The following SURF4 variants were observed in gnomAD, a reference collection of about 807,000 sequenced individuals.
SURF4 encodes the protein surfeit locus protein 4.
In SURF4, 3 loss-of-function variants were observed where a neutral mutation model predicts 30.0. The ratio of observed to expected loss-of-function variants is 0.10; its 90% CI spans 0.05 to 0.26. The LOEUF is 0.26. SURF4 is among the 10% of genes least tolerant of loss of function. The pLI, the probability that SURF4 is intolerant of heterozygous loss-of-function variation, is 1.00. For missense variants in SURF4, 217 were observed against 350.8 expected (o/e 0.62, Z 3.05); for synonymous variants, 143 against 139.9 (o/e 1.02, Z -0.16).
chr9:133,372,976 C>T (rs1466156247), intron 1 of SURF4, among the ~76,000 whole-genome samples: 1 of 152,246 alleles, frequency 6.6e-6, no homozygotes, highest in South Asian at 2.1e-4. Flanking sequence ...CCTAGACGGA[C>T]TCTTAAGGAG....
At chr9:133,377,153 G>A (rs956343284), upstream of SURF4, among the ~76,000 whole-genome samples, 2 of 152,070 alleles carry the variant, frequency 1.3e-5, no homozygotes, top group Non-Finnish European at 1.5e-5. Flanking sequence ...ACTATAGGGC[G>A]TTGCCAGAGG....
chr9:133,364,822 G>C lies in SURF4; in HGVS notation c.543+18C>G, dbSNP rs2130109825. 2 of 1,613,780 alleles carry C rather than the reference G, an allele frequency of 1.2e-6. No homozygotes were observed. The highest frequency in any genetic ancestry group is 1.1e-5 in the South Asian group (1 of 91,062). ...TTCACAGGAAACCAGACCGGTTCAGGCAAGTAGGAATACTTACAGAAAAGA... is the reference window on the plus strand; with the variant it reads ...TTCACAGGAAACCAGACCGGTTCAGCCAAGTAGGAATACTTACAGAAAAGA... On this transcript the variant is annotated intron_variant, in intron 5 of 5. Coordinates refer to ENST00000371989, the MANE Select transcript of SURF4 (RefSeq NM_033161.4).
intron 1 of SURF4, chr9:133,372,743 T>C (rs1414621265): frequency 5.1e-6 from 3 of 589,118 alleles, no homozygotes; most frequent in Admixed American, 6.3e-5. Flanking sequence ...GTCATTTTCA[T>C]GTAAAAGCCT....
upstream of SURF4, chr9:133,376,676 T>C: frequency 1.1e-6 from 1 of 887,712 alleles, no homozygotes; most frequent in African/African-American, 1.8e-5. Flanking sequence ...CTGGCCAGTG[T>C]CGGCCTGCAG....
Position 133,362,021 on chromosome 9 carries a change from T to C in SURF4, c.*1472A>G, listed in dbSNP as rs1477847621. The C allele has an allele frequency of 2.0e-5, 3 of 152,206 alleles. No homozygotes were observed. The highest frequency in any genetic ancestry group is 6.5e-5 in the Admixed American group (1 of 15,282). 9.4% of individuals were successfully genotyped at this position (152,206 alleles called of 1,614,324 possible). A position where few individuals can be genotyped will look rare whatever the true frequency, so the allele number is the denominator to read the frequency against. On this transcript the variant is annotated 3_prime_UTR_variant, in exon 6 of 6. Coordinates refer to ENST00000371989, the MANE Select transcript of SURF4 (RefSeq NM_033161.4). ...TTACCAATATTCGGGGGTAAGGAAG[T>C]AGGCTACCAGGGGAATATTTGCAAA... is the stretch of plus-strand genomic sequence containing the variant.
chr9:133,375,579 C>T (rs2130238720), intron 1 of SURF4, among the ~76,000 whole-genome samples: 1 of 152,182 alleles, frequency 6.6e-6, no homozygotes, highest in African/African-American at 2.4e-5. Flanking sequence ...GCGCTCCCCG[C>T]GAGCCTCAGA....
intron 1 of SURF4, 103 bp from the exon 2 acceptor site, chr9:133,367,548 G>A: frequency 1.9e-6 from 3 of 1,573,646 alleles, no homozygotes; most frequent in Non-Finnish European, 2.6e-6. Context: ...CAGACGCTGT[G>A]GAAGGCAAGA....
In SURF4 at chr9:133,363,787, A is replaced by G. The variant is rs2130092977; in HGVS notation, c.544-28T>C. The G allele has an allele frequency of 1.9e-6, 3 of 1,613,086 alleles. No individual in the cohort carries two copies. The highest frequency in any genetic ancestry group is 1.7e-6 in the Non-Finnish European group (2 of 1,179,270). Reference sequence around the variant, plus strand: ...GCATAGGTTGAAACGTAAGAAATTCAAAATAAATGTGAGGAAAAGAGATGC... The same window carrying G: ...GCATAGGTTGAAACGTAAGAAATTCGAAATAAATGTGAGGAAAAGAGATGC... On this transcript the variant is annotated intron_variant, in intron 5 of 5. Coordinates refer to ENST00000371989, the MANE Select transcript of SURF4 (RefSeq NM_033161.4). This position sits in a 1 kb window ranked among gnomAD's most constrained non-coding sequence, Gnocchi z 4.3.
intron 1 of SURF4, among the ~76,000 whole-genome samples, chr9:133,375,544 C>T (rs1024950356): frequency 4.6e-5 from 7 of 152,164 alleles, no homozygotes; most frequent in African/African-American, 1.2e-4. Context: ...CGTGCGGGGA[C>T]CCCCCAGCAG....
chr9:133,369,311 G>A (rs1227492750), intron 1 of SURF4, among the ~76,000 whole-genome samples: 3 of 152,192 alleles, frequency 2.0e-5, no homozygotes, highest in Non-Finnish European at 4.4e-5. Context: ...AAGTGGGTTT[G>A]GGAGATGAAG....
At chr9:133,375,073 C>G (rs2130232482) in intron 1 of SURF4, among the ~76,000 whole-genome samples, 8,571 of 152,244 alleles carry the variant, frequency 0.056, 333 homozygotes, top group Non-Finnish European at 0.087. Flanking sequence ...ACCACCACCA[C>G]CTTTTGTTTT....
At chr9:133,376,505 C>T (rs2130248627), upstream of SURF4, 6 of 1,599,070 alleles carry the variant, frequency 3.8e-6, no homozygotes, top group African/African-American at 8.1e-5. Context: ...CGCAGGCGCC[C>T]CACGCAGGGG....
rs1048061455 is a variant in SURF4 at position 133,363,323 on chromosome 9, G to A, written c.*170C>T. On this transcript the variant is annotated 3_prime_UTR_variant, in exon 6 of 6. Transcript: ENST00000371989. The surrounding 1 kb of genome is among the most constrained non-coding windows in gnomAD (Gnocchi z 4.3). ...AGACTGTGGCTCCAGAGCAGACTGA[G>A]CCATCGATTCTCAGGTGTCTCTGCA... is the stretch of plus-strand genomic sequence containing the variant. The A allele has an allele frequency of 5.4e-6, 6 of 1,115,992 alleles. No individual in the cohort carries two copies. The highest frequency in any genetic ancestry group is 6.7e-6 in the Non-Finnish European group (5 of 750,638). 69.1% of individuals were successfully genotyped at this position (1,115,992 alleles called of 1,614,324 possible). A position where few individuals can be genotyped will look rare whatever the true frequency, so the allele number is the denominator to read the frequency against.
chr9:133,373,409 A>G (rs1377449869), intron 1 of SURF4, among the ~76,000 whole-genome samples: 1 of 152,200 alleles, frequency 6.6e-6, no homozygotes, highest in African/African-American at 2.4e-5. Context: ...AGCCTGGACA[A>G]CATGACAACA....
At chr9:133,364,517 C>A (rs1397950217) in intron 5 of SURF4, among the ~76,000 whole-genome samples, 2 of 152,006 alleles carry the variant, frequency 1.3e-5, no homozygotes, top group Non-Finnish European at 2.9e-5. Flanking sequence ...ACGGTGAAAC[C>A]CTGTCTCTAC....
At chr9:133,376,538 G>A (rs2130249186), upstream of SURF4, 1 of 1,600,210 alleles carries the variant, frequency 6.2e-7, no homozygotes, top group Non-Finnish European at 8.5e-7. Context: ...GGGTCCCCCG[G>A]AGAGCCCATG....
Position 133,367,346 on chromosome 9 carries a change from C to T in SURF4, c.148G>A (p.Glu50Lys), listed in dbSNP as rs1321166923. The part of the protein sequence containing the change: ...DGIRMWFQWS[E>K]QRDYIDTTWN... Reference sequence around the variant, plus strand: ...GTGGTGTCGATGTAGTCGCGCTGCTCGCTCCACTGGAACCACATACGGATG... The same window carrying T: ...GTGGTGTCGATGTAGTCGCGCTGCTTGCTCCACTGGAACCACATACGGATG... Residue 50 changes from glutamate to lysine, a missense_variant, in exon 2 of 6, where the codon GAG becomes AAG. By Grantham distance (56) the Glu-to-Lys change is moderately conservative (BLOSUM62 1). Transcript: ENST00000371989. 5 of 1,614,124 alleles carry T rather than the reference C, an allele frequency of 3.1e-6. No individual in the cohort carries two copies. Among genetic ancestry groups the T allele is most frequent in the East Asian group, 2.2e-5 (1 of 44,900 alleles).
At chr9:133,370,314 G>T (rs1018258008) in intron 1 of SURF4, among the ~76,000 whole-genome samples, 1 of 152,182 alleles carries the variant, frequency 6.6e-6, no homozygotes, top group Non-Finnish European at 1.5e-5. Context: ...AACAGACACA[G>T]CTCTTGGCTT....
chr9:133,366,650 C>A lies in SURF4; in HGVS notation c.261G>T (p.Arg87Ser), dbSNP rs2130130478. ...QLTGCVLVLS[R>S]NFVQYACFGL... is the part of the protein sequence containing the mutation. ...CGAAGCAGGCGTACTGCACGAAGTT[C>A]CTGCTCAACACCAGGACGCAGCCAG... is the stretch of plus-strand genomic sequence containing the variant. The change falls in exon 3 of 6, where the codon AGG becomes AGT. Residue 87 changes from arginine to serine, a missense_variant. By Grantham distance (110) the Arg-to-Ser change is moderately radical. Transcript: ENST00000371989. The A allele has an allele frequency of 6.2e-7, 1 of 1,613,890 alleles. No individual in the cohort carries two copies. Among genetic ancestry groups the A allele is most frequent in the South Asian group, 1.1e-5 (1 of 91,072 alleles).
Sources: allele counts gnomAD v4.1 joint callset (sites outside exome capture counted in the v4.1 genomes callset), GRCh38; gene constraint gnomAD v4.1.1; non-coding constraint Gnocchi (gnomAD v3.1); transcripts MANE v1.5; gene names NCBI Gene and HGNC (gene_info 2026-07-23, HGNC 2026-07-21).